Variants in CTBP2 observed in about 807,000 individuals in gnomAD.
The protein encoded by CTBP2 is C-terminal-binding protein 2.
CTBP2 carries 30 observed loss-of-function variants against 80.3 expected under a neutral mutation model. That is an observed-to-expected ratio of 0.37 (90% confidence interval 0.28 to 0.51). CTBP2 has a LOEUF of 0.51. CTBP2 is among the 20% of genes least tolerant of loss of function. The pLI is 0.93. For synonymous variants in CTBP2, 594 were observed against 587.4 expected (o/e 1.01, Z -0.16); for missense variants, 1,212 against 1,375.3 (o/e 0.88, Z 1.88).
At chr10:125,080,311 G>A (rs973969786) in intron 2 of CTBP2, among the ~76,000 whole-genome samples, 4 of 151,804 alleles carry the variant, frequency 2.6e-5, no homozygotes, top group South Asian at 2.1e-4. Context: ...CACCCACACC[G>A]TCAACCAAGA....
At chr10:125,075,483 G>A (rs1191861906) in intron 2 of CTBP2, among the ~76,000 whole-genome samples, 2 of 151,794 alleles carry the variant, frequency 1.3e-5, no homozygotes, top group Non-Finnish European at 1.5e-5. Context: ...GAAGACCCTC[G>A]CCAGATGCCA....
intron 1 of CTBP2, among the ~76,000 whole-genome samples, chr10:125,018,553 CAACAAACA>C (rs59184976): frequency 0.16 from 15,481 of 99,468 alleles, 861 homozygotes; most frequent in Admixed American, 0.25. Context: ...CCAAACCAAC[CAACAAACA>C]AACAAACAAA....
intron 3 of CTBP2, chr10:124,998,438 G>C (rs1319160316): frequency 4.0e-6 from 2 of 495,512 alleles, no homozygotes; most frequent in African/African-American, 1.9e-5. Flanking sequence ...TCCTATGGCT[G>C]ATTTTGGGCC....
At position 124,985,634 on chromosome 10, in the gene CTBP2, GGGTTTT is replaced by G. The variant is rs1402971866; in HGVS notation, c.*3878_*3883del. 2.2e-5 allele frequency: 3 copies of G among 139,468 alleles called. No individual in the cohort carries two copies. The highest frequency in any genetic ancestry group is 4.7e-5 in the Non-Finnish European group (3 of 63,430). The allele number at this position is 139,468 out of a possible 1,614,324, so 8.6% of individuals were successfully genotyped here. A position where few individuals can be genotyped will look rare whatever the true frequency, so the allele number is the denominator to read the frequency against. On this transcript the variant is annotated 3_prime_UTR_variant, in exon 9 of 9. Coordinates refer to ENST00000309035, the MANE Select transcript of CTBP2 (RefSeq NM_022802.3). ...AGACATTGCTTACTTGTTTTGAAGA[GGGTTTT>G]GGTTTTGGTTATTGTGTCTTTAAGT...
chr10:125,085,046 C>T (rs1590658527), intron 2 of CTBP2, among the ~76,000 whole-genome samples: 2 of 152,202 alleles, frequency 1.3e-5, no homozygotes, highest in African/African-American at 4.8e-5. Flanking sequence ...CCTGGCGCAC[C>T]TCCAGCACTC....
At chr10:125,029,467 C>A (rs187749570), upstream of CTBP2, among the ~76,000 whole-genome samples, 1 of 152,082 alleles carries the variant, frequency 6.6e-6, no homozygotes, top group Non-Finnish European at 1.5e-5. Flanking sequence ...ACCATGTTGG[C>A]CAGACTGGTC....
At chr10:124,990,437 AAAAAC>A (rs1466418292) in intron 8 of CTBP2, among the ~76,000 whole-genome samples, 4 of 152,230 alleles carry the variant, frequency 2.6e-5, no homozygotes, top group African/African-American at 9.6e-5. Flanking sequence ...ACTAATTCAT[AAAAAC>A]AAAACTAGTC....
At chr10:125,082,317 C>A (rs1162906154) in intron 2 of CTBP2, among the ~76,000 whole-genome samples, 1 of 152,258 alleles carries the variant, frequency 6.6e-6, no homozygotes, top group Admixed American at 6.5e-5. Flanking sequence ...CTCGTCCATG[C>A]TCCTTACAGC....
rs1435270868 is a variant in CTBP2 at position 125,111,685 on chromosome 10, G to A, written c.-205-592C>T. On this transcript the variant is annotated intron_variant, in intron 1 of 10. Coordinates refer to the CTBP2 transcript ENST00000337195. ...TCTTGGCAAATGCAATATGAACCGA[G>A]GTGATGCATTAAACAGAACTCCCAT... Among the ~76,000 whole-genome samples, 6 of 152,188 alleles carry A rather than the reference G, an allele frequency of 3.9e-5. No individual in the cohort carries two copies. The East Asian group carries it at 9.6e-4, about 24-fold the overall frequency.
chr10:125,065,037 G>A (rs1198704738), intron 2 of CTBP2, among the ~76,000 whole-genome samples: 1 of 152,204 alleles, frequency 6.6e-6, no homozygotes, highest in African/African-American at 2.4e-5. Flanking sequence ...ACACAGAACA[G>A]GAAATGCCCA....
intron 2 of CTBP2, among the ~76,000 whole-genome samples, chr10:125,077,182 C>T (rs181358930): frequency 1.3e-5 from 2 of 152,346 alleles, no homozygotes; most frequent in East Asian, 1.9e-4. Flanking sequence ...GGCACCGCTA[C>T]CACCAAAATG....
chr10:125,159,347 G>A (rs1293585708), intron 1 of CTBP2, among the ~76,000 whole-genome samples: 1 of 147,168 alleles, frequency 6.8e-6, no homozygotes, highest in Non-Finnish European at 1.5e-5. Context: ...TCCCGGCGGC[G>A]GCGGGCGAGG....
Position 125,026,653 on chromosome 10 carries a change from G to T in CTBP2, c.1107C>A (p.Ser369=), listed in dbSNP as rs1245787293. 8 of 1,592,604 alleles carry T rather than the reference G, an allele frequency of 5.0e-6. No individual in the cohort carries two copies. In the Middle Eastern group the frequency reaches 5.1e-4, roughly 101 times the overall value. Reference sequence around the variant, plus strand: ...GTTCGCTTCGGTGGCTGAAGCTGCTGGACCGCGCCCGGGGCAGCGGGCCCC... The same window carrying T: ...GTTCGCTTCGGTGGCTGAAGCTGCTTGACCGCGCCCGGGGCAGCGGGCCCC... The change falls in exon 1 of 9, where the codon TCC becomes TCA. Residue 369 remains serine (S), a synonymous_variant. Coordinates refer to ENST00000309035, the MANE Select transcript of CTBP2 (RefSeq NM_022802.3).
intron 1 of CTBP2, among the ~76,000 whole-genome samples, chr10:125,139,234 G>A (rs1350958275): frequency 1.3e-5 from 2 of 151,918 alleles, no homozygotes; most frequent in Admixed American, 1.3e-4. Flanking sequence ...AGCCGGGTGT[G>A]GTGGCGCACA....
intron 1 of CTBP2, among the ~76,000 whole-genome samples, chr10:125,134,259 G>C (rs1856621732): frequency 6.6e-6 from 1 of 152,220 alleles, no homozygotes; most frequent in South Asian, 2.1e-4. Flanking sequence ...CTGAGGCTTA[G>C]AGTCTCATGC....
At chr10:125,048,427 C>G (rs1961810192) in intron 2 of CTBP2, among the ~76,000 whole-genome samples, 1 of 152,186 alleles carries the variant, frequency 6.6e-6, no homozygotes, top group Admixed American at 6.5e-5. Context: ...CCCGAAAGTT[C>G]CAGATGTGAA....
At chr10:125,141,820 G>A (rs551072883) in intron 1 of CTBP2, among the ~76,000 whole-genome samples, 6 of 152,314 alleles carry the variant, frequency 3.9e-5, no homozygotes, top group African/African-American at 9.6e-5. Flanking sequence ...CAGTGAGCAC[G>A]CGGCAAACAC....
At chr10:125,093,426 C>G (rs1395206468) in intron 2 of CTBP2, among the ~76,000 whole-genome samples, 1 of 152,176 alleles carries the variant, frequency 6.6e-6, no homozygotes, top group Non-Finnish European at 1.5e-5. Flanking sequence ...GCAGCAGGTC[C>G]TATTTTGGGC....
chr10:125,036,749 G>A (rs1355879649), intron 3 of CTBP2, among the ~76,000 whole-genome samples: 6 of 151,336 alleles, frequency 4.0e-5, no homozygotes, highest in African/African-American at 1.5e-4. Flanking sequence ...GCCTTCAGGT[G>A]GAAGAAAGAG....
Sources: gnomAD v4.1 joint callset for allele counts (sites outside exome capture counted in the v4.1 genomes callset) on GRCh38, gnomAD v4.1.1 for gene constraint, MANE v1.5 for transcripts, NCBI Gene and HGNC (gene_info 2026-07-23, HGNC 2026-07-21) for gene names.